The following DCUN1D3 variants were observed in gnomAD, a reference collection of about 807,000 sequenced individuals.
DCUN1D3 encodes DCN1-like protein 3.
In DCUN1D3, 6 loss-of-function variants were observed where a neutral mutation model predicts 24.8. The ratio of observed to expected loss-of-function variants is 0.24; its 90% CI spans 0.13 to 0.48. The LOEUF (loss-of-function observed/expected upper bound fraction) is 0.48. Among genes scored for constraint, DCUN1D3 ranks in the 20% least tolerant of loss-of-function variants. The pLI is 0.99. For missense variants in DCUN1D3, 258 were observed against 379.4 expected (o/e 0.68, Z 2.66); for synonymous variants, 120 against 144.9 (o/e 0.83, Z 1.24).
intron 1 of DCUN1D3, among the ~76,000 whole-genome samples, chr16:20,891,609 G>A (rs2081892728): frequency 6.6e-6 from 1 of 152,166 alleles, no homozygotes; most frequent in African/African-American, 2.4e-5. Context: ...GCCTTCGAGG[G>A]GGCACAGTGG....
At position 20,857,916 on chromosome 16, in the gene DCUN1D3, A is replaced by G. The variant is rs2152515557; in HGVS notation, c.*1970T>C. ...CCAAAACTCTTTAATAATCCTTAAGATGGGAGCCCAGAGCTGTAAGGCTGC... is the reference window on the plus strand; with the variant it reads ...CCAAAACTCTTTAATAATCCTTAAGGTGGGAGCCCAGAGCTGTAAGGCTGC... On this transcript the variant is annotated 3_prime_UTR_variant, in exon 3 of 3. Transcript: ENST00000324344. 6.6e-6 allele frequency: 1 copy of G among 152,594 alleles called. No homozygotes were observed. The highest frequency in any genetic ancestry group is 2.4e-5 in the African/African-American group (1 of 41,566). 9.5% of individuals were successfully genotyped at this position (152,594 alleles called of 1,614,324 possible).
intron 1 of DCUN1D3, 72 bp from the exon 2 acceptor site, chr16:20,862,715 A>C (rs993168853): frequency 1.5e-6 from 2 of 1,354,594 alleles, no homozygotes. Context: ...TCTAGGGTGC[A>C]CACTGGTTCA....
rs569214214 is a variant in DCUN1D3, at chr16:20,860,898, T to C, written c.432-529A>G. Reference sequence around the variant, plus strand: ...ATTATTAAAAAACAAAAATTATGTATGTATTTTTAACATCTATACAACCCT... The same window carrying C: ...ATTATTAAAAAACAAAAATTATGTACGTATTTTTAACATCTATACAACCCT... On this transcript the variant is annotated intron_variant, in intron 2 of 2. Coordinates refer to ENST00000324344, the MANE Select transcript of DCUN1D3 (RefSeq NM_173475.4). The surrounding 1 kb of genome is among the most constrained non-coding windows in gnomAD (Gnocchi z 4.3). 2.6e-5 allele frequency among the ~76,000 whole-genome samples: 4 copies of C among 152,332 alleles called. No individual in the cohort carries two copies. In the East Asian group the frequency reaches 5.8e-4, roughly 22 times the overall value.
At chr16:20,885,023 T>G (rs2081862168) in intron 1 of DCUN1D3, among the ~76,000 whole-genome samples, 1 of 149,962 alleles carries the variant, frequency 6.7e-6, no homozygotes, top group Non-Finnish European at 1.5e-5. Context: ...GTCACCAGGC[T>G]GGAGTACAAT....
At position 20,862,151 on chromosome 16, in the gene DCUN1D3, A is replaced by G. The variant is rs2081736624; in HGVS notation, c.388T>C (p.Leu130=). 6.2e-7 allele frequency: 1 copy of G among 1,614,232 alleles called. No homozygotes were observed. Among genetic ancestry groups the G allele is most frequent in the Non-Finnish European group, 8.5e-7 (1 of 1,180,048 alleles). ...GTTGCAGCCTGGAACTTCCAAGCCAAGAGCAGCACTCGAAATTCTGTGGGG... is the reference window on the plus strand; with the variant it reads ...GTTGCAGCCTGGAACTTCCAAGCCAGGAGCAGCACTCGAAATTCTGTGGGG... ...VDPTEFRVLL[L]AWKFQAATMC... The change falls in exon 2 of 3, where the codon TTG becomes CTG. Residue 130 remains leucine (L), a synonymous_variant. Transcript: ENST00000324344.
intron 1 of DCUN1D3, among the ~76,000 whole-genome samples, chr16:20,899,368 T>C (rs1174543188): frequency 6.6e-6 from 1 of 152,202 alleles, no homozygotes; most frequent in East Asian, 1.9e-4. Context: ...GGAATTCCAG[T>C]ATTCATAAAA....
intron 1 of DCUN1D3, among the ~76,000 whole-genome samples, chr16:20,873,798 G>A (rs2081801280): frequency 6.6e-6 from 1 of 152,192 alleles, no homozygotes; most frequent in Non-Finnish European, 1.5e-5. Context: ...GGAGGCTGGA[G>A]ATGCTACCAG....
In DCUN1D3 at chr16:20,859,540, C is replaced by CAAAAAAA. The variant is rs61506075; in HGVS notation, c.*339_*345dup. On this transcript the variant is annotated 3_prime_UTR_variant, in exon 3 of 3. Transcript: ENST00000324344. Reference sequence around the variant, plus strand: ...CGCCCTGCTCTATGCCCTCCCCTACCAAAAAAAAAAAAAAAAAAACAAAAA... The same window carrying CAAAAAAA: ...CGCCCTGCTCTATGCCCTCCCCTACCAAAAAAAAAAAAAAAAAAAAAAAAAACAAAAA... 1.5e-4 allele frequency: 11 copies of CAAAAAAA among 71,484 alleles called. No homozygotes were observed. The highest frequency in any genetic ancestry group is 2.1e-4 in the Non-Finnish European group (8 of 38,974). 4.4% of individuals were successfully genotyped at this position (71,484 alleles called of 1,614,324 possible). A position where few individuals can be genotyped will look rare whatever the true frequency, so the allele number is the denominator to read the frequency against.
intron 1 of DCUN1D3, among the ~76,000 whole-genome samples, chr16:20,899,257 A>G (rs1263144285): frequency 6.6e-6 from 1 of 152,254 alleles, no homozygotes; most frequent in Non-Finnish European, 1.5e-5. Flanking sequence ...TCATTTTGGG[A>G]AGAGCTGACA....
In DCUN1D3 at chr16:20,857,949, G is replaced by A. The variant is rs1333857116; in HGVS notation, c.*1937C>T. The stretch of plus-strand genomic sequence containing the variant: ...CCAGAGCTGTAAGGCTGCTCACAAT[G>A]GAACTCAAAACATGCAATTCCTGCC... On this transcript the variant is annotated 3_prime_UTR_variant, in exon 3 of 3. Coordinates refer to ENST00000324344, the MANE Select transcript of DCUN1D3 (RefSeq NM_173475.4). 1 of 152,572 alleles carries A rather than the reference G, an allele frequency of 6.6e-6. No individual in the cohort carries two copies. Among genetic ancestry groups the A allele is most frequent in the Non-Finnish European group, 1.5e-5 (1 of 68,052 alleles). The allele number at this position is 152,572 out of a possible 1,614,324, so 9.5% of individuals were successfully genotyped here.
chr16:20,872,182 T>C (rs893432068), intron 1 of DCUN1D3, among the ~76,000 whole-genome samples: 1 of 152,244 alleles, frequency 6.6e-6, no homozygotes, highest in African/African-American at 2.4e-5. Context: ...CTGCTCATTT[T>C]TCAATCACCT....
intron 1 of DCUN1D3, among the ~76,000 whole-genome samples, chr16:20,873,470 G>A (rs2081799539): frequency 6.6e-6 from 1 of 152,216 alleles, no homozygotes; most frequent in African/African-American, 2.4e-5. Context: ...AAAGAGAAAT[G>A]TGGAATGCCT....
In DCUN1D3 at chr16:20,859,551, A is replaced by AC. The variant is rs1381362970; in HGVS notation, c.*334_*335insG. The AC allele has an allele frequency of 4.2e-4, 68 of 163,044 alleles. No individual in the cohort carries two copies. The highest frequency in any genetic ancestry group is 9.7e-4 in the South Asian group (5 of 5,178). 10.1% of individuals were successfully genotyped at this position (163,044 alleles called of 1,614,324 possible). A position where few individuals can be genotyped will look rare whatever the true frequency, so the allele number is the denominator to read the frequency against. The stretch of plus-strand genomic sequence containing the variant: ...ATGCCCTCCCCTACCAAAAAAAAAA[A>AC]AAAAAAAACAAAAAAAAACAAAAAA... On this transcript the variant is annotated 3_prime_UTR_variant, in exon 3 of 3. Transcript: ENST00000324344.
chr16:20,874,553 AT>A (rs1419773038), intron 1 of DCUN1D3, among the ~76,000 whole-genome samples: 3 of 152,218 alleles, frequency 2.0e-5, no homozygotes, highest in African/African-American at 7.2e-5. Context: ...TCTCTGTACA[AT>A]AACATGATCA....
In DCUN1D3 at chr16:20,873,407, T is replaced by C. The variant is rs1417532246; in HGVS notation, c.-105-10764A>G. On this transcript the variant is annotated intron_variant, in intron 1 of 2. Transcript: ENST00000324344. ...AGGTTTAACATCAGGGGTAGAAGGG[T>C]CTGGCCCATGGATTGAGTGATTCAC... 2.0e-5 allele frequency among the ~76,000 whole-genome samples: 3 copies of C among 152,070 alleles called. 1 individual carries two copies. The South Asian group carries it at 6.2e-4, about 32-fold the overall frequency.
At position 20,862,476 on chromosome 16, in the gene DCUN1D3, G is replaced by C; in HGVS notation, c.63C>G (p.Asp21Glu). The C allele has an allele frequency of 6.2e-7, 1 of 1,612,156 alleles. No individual in the cohort carries two copies. Residue 21 changes from aspartate (D) to glutamate (E), a missense_variant, in exon 2 of 3, where the codon GAC (aspartate) becomes GAG (glutamate). By Grantham distance (45) the Asp-to-Glu change is conservative. Coordinates refer to ENST00000324344, the MANE Select transcript of DCUN1D3 (RefSeq NM_173475.4). Reference sequence around the variant, plus strand: ...TATGTGACTTGTTGCTGGGCTCACGGTCTCCATTTTTGCTGCCCAGGGTCG... The same window carrying C: ...TATGTGACTTGTTGCTGGGCTCACGCTCTCCATTTTTGCTGCCCAGGGTCG... The part of the protein sequence containing the change: ...PSSTLGSKNG[D>E]REPSNKSHSR...
chr16:20,879,644 G>A (rs1202062899), intron 1 of DCUN1D3, among the ~76,000 whole-genome samples: 6 of 152,178 alleles, frequency 3.9e-5, no homozygotes, highest in Non-Finnish European at 8.8e-5. Context: ...TTTCAGTTAG[G>A]AGAATCGCTC....
At chr16:20,887,393 T>TA (rs998542723) in intron 1 of DCUN1D3, among the ~76,000 whole-genome samples, 7 of 152,144 alleles carry the variant, frequency 4.6e-5, no homozygotes, top group South Asian at 2.1e-4. Context: ...CCATCAGCAG[T>TA]AAAAAAACAC....
At chr16:20,895,768 C>T (rs2081912694) in intron 1 of DCUN1D3, among the ~76,000 whole-genome samples, 1 of 152,214 alleles carries the variant, frequency 6.6e-6, no homozygotes, top group East Asian at 1.9e-4. Context: ...ACTCAATTAA[C>T]CCTGGTCCAT....
Sources: allele counts gnomAD v4.1 joint callset (sites outside exome capture counted in the v4.1 genomes callset), GRCh38; gene constraint gnomAD v4.1.1; non-coding constraint Gnocchi (gnomAD v3.1); transcripts MANE v1.5; gene names NCBI Gene and HGNC (gene_info 2026-07-23, HGNC 2026-07-21).